The following DNAJB13 variants were observed in gnomAD, a reference collection of about 807,000 sequenced individuals.
DNAJB13 encodes the protein dnaJ homolog subfamily B member 13.
A neutral mutation model predicts 35.6 loss-of-function variants in DNAJB13; 22 were observed. That is an observed-to-expected ratio of 0.62 (90% CI 0.44 to 0.88). DNAJB13 has a LOEUF of 0.88. DNAJB13 is among the 40% of genes least tolerant of loss of function. DNAJB13 has a pLI of 0.00. For missense variants in DNAJB13, 370 were observed against 384.3 expected (o/e 0.96, Z 0.31); for synonymous variants, 136 against 144.2 (o/e 0.94, Z 0.41).
At chr11:73,963,173 C>T (rs1381082999) in intron 3 of DNAJB13, among the ~76,000 whole-genome samples, 1 of 151,766 alleles carries the variant, frequency 6.6e-6, no homozygotes, top group Admixed American at 6.6e-5. Flanking sequence ...TAAAAACAAA[C>T]AAACAAACAA....
At chr11:73,956,394 T>TGAG (rs1271252912) in intron 1 of DNAJB13, among the ~76,000 whole-genome samples, 1 of 151,800 alleles carries the variant, frequency 6.6e-6, no homozygotes, top group Admixed American at 6.6e-5. Context: ...GAACAGTGAG[T>TGAG]GAGGCCAGAG....
intron 6 of DNAJB13, among the ~76,000 whole-genome samples, chr11:73,968,704 G>A (rs1169511286): frequency 6.6e-6 from 1 of 152,102 alleles, no homozygotes; most frequent in Non-Finnish European, 1.5e-5. Context: ...TCTCCTTAGG[G>A]ATCCTGCCAC....
intron 1 of DNAJB13, among the ~76,000 whole-genome samples, chr11:73,953,548 TAGTC>T (rs1382193375): frequency 6.6e-6 from 1 of 152,156 alleles, no homozygotes; most frequent in African/African-American, 2.4e-5. Flanking sequence ...CATGCACTGG[TAGTC>T]AGAGAGAAAC....
At chr11:73,964,845 A>C in intron 3 of DNAJB13, 33 bp from the exon 4 acceptor site, 1 of 1,594,528 alleles carries the variant, frequency 6.3e-7, no homozygotes, top group Non-Finnish European at 8.5e-7. Flanking sequence ...CTCTGGATAC[A>C]ATTTCTCTTA....
At chr11:73,967,247 G>A (rs1389815500) in intron 5 of DNAJB13, among the ~76,000 whole-genome samples, 4 of 152,172 alleles carry the variant, frequency 2.6e-5, no homozygotes, top group South Asian at 2.1e-4. Context: ...CGCCTGCCTC[G>A]GCCTCCCAAA....
chr11:73,963,133 C>T (rs1950979035), intron 3 of DNAJB13, among the ~76,000 whole-genome samples: 1 of 152,090 alleles, frequency 6.6e-6, no homozygotes, highest in Non-Finnish European at 1.5e-5. Flanking sequence ...CAAGACCAGC[C>T]TGACCACCAT....
intron 3 of DNAJB13, among the ~76,000 whole-genome samples, chr11:73,961,307 A>G (rs1404342538): frequency 6.6e-6 from 1 of 152,152 alleles, no homozygotes; most frequent in Non-Finnish European, 1.5e-5. Context: ...AAATAAAGAA[A>G]TAATCATTGA....
In DNAJB13 at chr11:73,968,400, C is replaced by G. The variant is rs1459338229; in HGVS notation, c.662C>G (p.Pro221Arg). The change falls in exon 6 of 8, where the codon CCT becomes CGT. Residue 221 changes from proline (P) to arginine (R), a missense_variant. Pro to Arg is a moderately radical substitution (Grantham distance 103). Coordinates refer to ENST00000339764, the MANE Select transcript of DNAJB13 (RefSeq NM_153614.4). ...TTCATCGTAAAGGAGAAGCTACACC[C>G]TCGCTTCCGCAGGGAGAATGACAAC... is the stretch of plus-strand genomic sequence containing the variant. ...IIFIVKEKLH[P>R]RFRRENDNLF... 1 of 1,614,042 alleles carries G rather than the reference C, an allele frequency of 6.2e-7. No homozygotes were observed. The highest frequency in any genetic ancestry group is 1.3e-5 in the African/African-American group (1 of 74,922).
At chr11:73,954,213 C>G (rs1950668752) in intron 1 of DNAJB13, among the ~76,000 whole-genome samples, 1 of 151,620 alleles carries the variant, frequency 6.6e-6, no homozygotes, top group South Asian at 2.1e-4. Flanking sequence ...GTAATCCCAG[C>G]TACTGGGGAG....
intron 1 of DNAJB13, among the ~76,000 whole-genome samples, chr11:73,957,769 T>A (rs958383313): frequency 6.6e-6 from 1 of 152,116 alleles, no homozygotes; most frequent in Non-Finnish European, 1.5e-5. Flanking sequence ...TAGCTCATCC[T>A]CCCAAGATGC....
At chr11:73,965,436 G>A (rs1028800760) in intron 4 of DNAJB13, 1 of 165,966 alleles carries the variant, frequency 6.0e-6, no homozygotes, top group Admixed American at 5.7e-5. Context: ...AAAGAACAGT[G>A]GGCATGGAGG....
chr11:73,963,362 AAAG>A (rs1034370284), intron 3 of DNAJB13, among the ~76,000 whole-genome samples: 74 of 151,920 alleles, frequency 4.9e-4, no homozygotes, highest in African/African-American at 1.7e-3. Context: ...AAAAAAGAAA[AAAG>A]AAAAAAAATG....
At chr11:73,954,321 G>A (rs1211941391) in intron 1 of DNAJB13, among the ~76,000 whole-genome samples, 1 of 148,060 alleles carries the variant, frequency 6.8e-6, no homozygotes, top group African/African-American at 2.5e-5. Context: ...GTGAGACTTC[G>A]TCTCAAAAAA....
chr11:73,965,207 A>T (rs777773881), intron 4 of DNAJB13, 172 bp downstream of exon 4: 2 of 728,218 alleles, frequency 2.7e-6, no homozygotes, highest in Non-Finnish European at 4.2e-6. Flanking sequence ...CGGAAGGGAC[A>T]GTTGAAGACA....
rs751896287 is a variant in DNAJB13 at position 73,970,071 on chromosome 11, C to T, written c.908C>T (p.Thr303Ile). ...GACATCCAGTTCCCCACCCGCCTCA[C>T]ACCCCAGAAGAAGCAGATGCTGCGC... Reference protein sequence around the residue: ...FFDIQFPTRLTPQKKQMLRQA... With the variant: ...FFDIQFPTRLIPQKKQMLRQA... Residue 303 changes from threonine to isoleucine, a missense_variant, in exon 8 of 8, where the codon ACA becomes ATA. Physicochemically the swap from Thr to Ile is moderately conservative, Grantham distance 89. Transcript: ENST00000339764. 15 of 1,610,812 alleles carry T rather than the reference C, an allele frequency of 9.3e-6. No homozygotes were observed. Among genetic ancestry groups the T allele is most frequent in the East Asian group, 2.2e-5 (1 of 44,836 alleles).
rs1442021576 is a variant in DNAJB13, at chr11:73,954,812, G to T, written c.69-3505G>T. ...CTCTACTAAAAAAAATTAGCCAGGC[G>T]TGGTGACGGGTACCTGTAATCCCAG... is the stretch of plus-strand genomic sequence containing the variant. On this transcript the variant is annotated intron_variant, in intron 1 of 7. Coordinates refer to ENST00000339764, the MANE Select transcript of DNAJB13 (RefSeq NM_153614.4). Among the ~76,000 whole-genome samples, 6 of 151,886 alleles carry T rather than the reference G, an allele frequency of 4.0e-5. 1 individual carries two copies. Among genetic ancestry groups the T allele is most frequent in the Admixed American group, 3.9e-4 (6 of 15,242 alleles).
At position 73,969,394 on chromosome 11, in the gene DNAJB13, G is replaced by C. The variant is rs1372645920; in HGVS notation, c.797+72G>C. 4.8e-6 allele frequency: 4 copies of C among 837,000 alleles called. No individual in the cohort carries two copies. The African/African-American group carries it at 4.9e-5, about 10-fold the overall frequency. The allele number at this position is 837,000 out of a possible 1,614,324, so 51.8% of individuals were successfully genotyped here. A position where few individuals can be genotyped will look rare whatever the true frequency, so the allele number is the denominator to read the frequency against. ...CTGGGATTTAGGTGGTAGTGTGACA[G>C]GTCTGCCCAGTAGAGTTGTACAGGC... is the stretch of plus-strand genomic sequence containing the variant. On this transcript the variant is annotated intron_variant, in intron 7 of 7. Coordinates refer to ENST00000339764, the MANE Select transcript of DNAJB13 (RefSeq NM_153614.4).
rs1472138688 is a variant in DNAJB13 at position 73,966,013 on chromosome 11, A to C, written c.493-125A>C. 7 of 896,060 alleles carry C rather than the reference A, an allele frequency of 7.8e-6. 1 individual carries two copies. In the East Asian group the frequency reaches 1.9e-4, roughly 24 times the overall value. The allele number at this position is 896,060 out of a possible 1,614,324, so 55.5% of individuals were successfully genotyped here. A position where few individuals can be genotyped will look rare whatever the true frequency, so the allele number is the denominator to read the frequency against. On this transcript the variant is annotated intron_variant, in intron 4 of 7. Coordinates refer to ENST00000339764, the MANE Select transcript of DNAJB13 (RefSeq NM_153614.4). The stretch of plus-strand genomic sequence containing the variant: ...TTGCTAGAGGATTGAGCCCAAGTAC[A>C]AATCCCATAGAGCATCTTTCACGTG...
intron 2 of DNAJB13, among the ~76,000 whole-genome samples, 186 bp downstream of exon 2, chr11:73,958,606 C>G (rs936221620): frequency 6.6e-6 from 1 of 152,198 alleles, no homozygotes; most frequent in African/African-American, 2.4e-5. Context: ...AGGTGGAGGA[C>G]GTGGGGTGTG....
Sources: gnomAD v4.1 joint callset for allele counts (sites outside exome capture counted in the v4.1 genomes callset) on GRCh38, gnomAD v4.1.1 for gene constraint, MANE v1.5 for transcripts, NCBI Gene and HGNC (gene_info 2026-07-23, HGNC 2026-07-21) for gene names.